Variants in HECW2 observed in about 807,000 individuals in gnomAD.
The protein encoded by HECW2 is E3 ubiquitin-protein ligase HECW2.
In HECW2, 61 loss-of-function variants were observed where a neutral mutation model predicts 175.2. The ratio of observed to expected loss-of-function variants is 0.35; its 90% CI spans 0.28 to 0.43. The LOEUF (loss-of-function observed/expected upper bound fraction) is 0.43, where lower values mean the gene tolerates loss of function less well. HECW2 is among the 20% of genes least tolerant of loss of function. The pLI is 1.00. For missense variants in HECW2, 1,524 were observed against 2,000.5 expected (o/e 0.76, Z 4.54); for synonymous variants, 671 against 731.0 (o/e 0.92, Z 1.32).
intron 2 of HECW2, among the ~76,000 whole-genome samples, chr2:196,415,887 T>C (rs555143822): frequency 4.5e-4 from 69 of 152,108 alleles, no homozygotes; most frequent in Admixed American, 4.3e-3. Context: ...GTGTTGGGAG[T>C]TGAAGATTAA....
chr2:196,395,022 C>T lies in HECW2; in HGVS notation c.292+38110G>A, dbSNP rs183243105. On this transcript the variant is annotated intron_variant, in intron 2 of 28. Coordinates refer to ENST00000644978, the MANE Select transcript of HECW2 (RefSeq NM_001348768.2). ...ACTTGGTAGAAGGGGCCAGATAGCTCTTTGGGGTCTTTTTCATAAGGGCAC... is the reference window on the plus strand; with the variant it reads ...ACTTGGTAGAAGGGGCCAGATAGCTTTTTGGGGTCTTTTTCATAAGGGCAC... Among the ~76,000 whole-genome samples the T allele has an allele frequency of 7.6e-4, 115 of 152,228 alleles. 1 individual carries two copies. The highest frequency in any genetic ancestry group is 7.3e-3 in the Admixed American group (112 of 15,288).
At chr2:196,354,937 T>C (rs977916810) in intron 2 of HECW2, among the ~76,000 whole-genome samples, 2 of 152,238 alleles carry the variant, frequency 1.3e-5, no homozygotes, top group African/African-American at 4.8e-5. Flanking sequence ...AAGTTCCTTC[T>C]TGACAAGGAT....
chr2:196,460,802 T>G (rs1696714501), intron 1 of HECW2, among the ~76,000 whole-genome samples: 1 of 135,554 alleles, frequency 7.4e-6, no homozygotes, highest in Non-Finnish European at 1.6e-5. Context: ...TTTTTTTTTT[T>G]TTTGGAGAGA....
chr2:196,525,617 G>A (rs1239319127), intron 1 of HECW2, among the ~76,000 whole-genome samples: 7 of 144,720 alleles, frequency 4.8e-5, no homozygotes, highest in East Asian at 4.1e-4. Flanking sequence ...GGCTGGTACC[G>A]GTTGTTCCTT....
rs529470648 is a variant in HECW2 at position 196,258,192 on chromosome 2, T to C, written c.3336-286A>G. 1,629 of 334,802 alleles carry C rather than the reference T, an allele frequency of 4.9e-3. 8 individuals are homozygous for C. Among genetic ancestry groups the C allele is most frequent in the Non-Finnish European group, 7.0e-3 (1,274 of 181,596 alleles). 20.7% of individuals were successfully genotyped at this position (334,802 alleles called of 1,614,324 possible). On this transcript the variant is annotated intron_variant, in intron 17 of 28. Coordinates refer to ENST00000644978, the MANE Select transcript of HECW2 (RefSeq NM_001348768.2). ...CCAAGTACTATAAATAGTATACTAT[T>C]CAACCAATAAAATCAGTGTCTGCTT...
At chr2:196,333,258 T>C (rs1241979209) in intron 4 of HECW2, among the ~76,000 whole-genome samples, 1 of 151,550 alleles carries the variant, frequency 6.6e-6, no homozygotes, top group Non-Finnish European at 1.5e-5. Flanking sequence ...AATGACGGCG[T>C]TTTTCTTCAT....
chr2:196,570,651 T>C (rs771049211), intron 1 of HECW2, among the ~76,000 whole-genome samples: 6 of 152,170 alleles, frequency 3.9e-5, no homozygotes, highest in South Asian at 2.1e-4. Flanking sequence ...TGTATACCTA[T>C]GTAGCAAACC....
rs541901968 is a variant in HECW2 at position 196,412,580 on chromosome 2, A to G, written c.292+20552T>C. Among the ~76,000 whole-genome samples, 39 of 152,332 alleles carry G rather than the reference A, an allele frequency of 2.6e-4. No individual in the cohort carries two copies. In the South Asian group the frequency reaches 6.4e-3, roughly 25 times the overall value. ...ACACATTCAGAACACCCTTTAGGGA[A>G]TGTAATCAAATGATAAACTCTTTGT... On this transcript the variant is annotated intron_variant, in intron 2 of 28. Transcript: ENST00000644978.
intron 2 of HECW2, among the ~76,000 whole-genome samples, chr2:196,415,381 T>C (rs1045535268): frequency 2.0e-5 from 3 of 152,220 alleles, no homozygotes; most frequent in Non-Finnish European, 4.4e-5. Flanking sequence ...CTTGTCAGTC[T>C]GTTCGTTTTG....
intron 2 of HECW2, among the ~76,000 whole-genome samples, chr2:196,414,157 T>C (rs1157235996): frequency 1.3e-5 from 2 of 152,214 alleles, no homozygotes; most frequent in African/African-American, 2.4e-5. Flanking sequence ...GCCACGTGAA[T>C]ATTTCTTCAA....
intron 17 of HECW2, 52 bp downstream of exon 17, chr2:196,271,141 T>C: frequency 9.5e-7 from 1 of 1,052,934 alleles, no homozygotes; most frequent in Non-Finnish European, 1.5e-6. Flanking sequence ...AAAACTAAGA[T>C]TTAATGGTTT....
chr2:196,439,825 A>G (rs1575544139), intron 1 of HECW2, among the ~76,000 whole-genome samples: 2 of 152,308 alleles, frequency 1.3e-5, no homozygotes, highest in East Asian at 3.9e-4. Context: ...TAACAGGAAG[A>G]AAACAGAGGT....
intron 1 of HECW2, among the ~76,000 whole-genome samples, chr2:196,576,193 G>T (rs1690557057): frequency 6.6e-6 from 1 of 152,060 alleles, no homozygotes; most frequent in Admixed American, 6.5e-5. Flanking sequence ...TACCCCAAGA[G>T]CAATAAGCTA....
chr2:196,437,333 C>T (rs940217328), intron 1 of HECW2, among the ~76,000 whole-genome samples: 12 of 151,896 alleles, frequency 7.9e-5, no homozygotes, highest in African/African-American at 1.7e-4. Flanking sequence ...ATGCACCAGC[C>T]GGGCGCAGTG....
chr2:196,540,755 T>A (rs1689182056), intron 1 of HECW2, among the ~76,000 whole-genome samples: 1 of 152,202 alleles, frequency 6.6e-6, no homozygotes, highest in Admixed American at 6.5e-5. Flanking sequence ...AAATTTCAAA[T>A]GTCATCTTCT....
intron 1 of HECW2, among the ~76,000 whole-genome samples, chr2:196,572,710 C>G (rs755721507): frequency 6.6e-6 from 1 of 152,274 alleles, no homozygotes; most frequent in African/African-American, 2.4e-5. Flanking sequence ...AATTAGGTCA[C>G]AAGGGTAGAG....
At chr2:196,217,929 C>T in intron 26 of HECW2, 1 of 152,268 alleles carries the variant, frequency 6.6e-6, no homozygotes, top group Non-Finnish European at 1.5e-5. Flanking sequence ...TATTTTAATC[C>T]AAATTTTTCC....
chr2:196,489,313 A>G (rs999531915), intron 1 of HECW2, among the ~76,000 whole-genome samples: 13 of 152,206 alleles, frequency 8.5e-5, no homozygotes, highest in African/African-American at 2.9e-4. Context: ...TAACTCCCCT[A>G]TTATAACAAA....
At chr2:196,387,365 T>C (rs1045004029) in intron 2 of HECW2, among the ~76,000 whole-genome samples, 3 of 152,140 alleles carry the variant, frequency 2.0e-5, no homozygotes, top group African/African-American at 7.2e-5. Flanking sequence ...ATGAATGTAA[T>C]TAGCATCCTT....
Sources: allele counts gnomAD v4.1 joint callset (sites outside exome capture counted in the v4.1 genomes callset), GRCh38; gene constraint gnomAD v4.1.1; transcripts MANE v1.5; gene names NCBI Gene and HGNC (gene_info 2026-07-23, HGNC 2026-07-21).